Variants in LYST observed in about 807,000 individuals in gnomAD.
LYST encodes lysosomal-trafficking regulator.
A neutral mutation model predicts 413.6 loss-of-function variants in LYST; 192 were observed. The ratio of observed to expected loss-of-function variants is 0.46; its 90% CI spans 0.41 to 0.52. The LOEUF is 0.52. LYST is among the 20% of genes least tolerant of loss of function. The pLI, the probability that LYST is intolerant of heterozygous loss-of-function variation, is 0.00. For missense variants in LYST, 3,815 were observed against 4,499.9 expected (o/e 0.85, Z 4.35); for synonymous variants, 1,525 against 1,567.3 (o/e 0.97, Z 0.64).
chr1:235,757,440 C>G lies in LYST; in HGVS notation c.6900G>C (p.Leu2300Phe). The G allele has an allele frequency of 6.2e-7, 1 of 1,613,216 alleles. No individual in the cohort carries two copies. Among genetic ancestry groups the G allele is most frequent in the East Asian group, 2.2e-5 (1 of 44,786 alleles). ...ASAHSVTEDC[L>F]VPICCGLYEL... Reference sequence around the variant, plus strand: ...CATATAATCCACAGCATATAGGTACCAAACAGTCTTCAGTTACACTAAAAC... The same window carrying G: ...CATATAATCCACAGCATATAGGTACGAAACAGTCTTCAGTTACACTAAAAC... The change falls in exon 24 of 53, where the codon TTG becomes TTC. Residue 2300 changes from leucine to phenylalanine, a missense_variant. Physicochemically the swap from Leu to Phe is conservative, Grantham distance 22. Coordinates refer to ENST00000389793, the MANE Select transcript of LYST (RefSeq NM_000081.4).
intron 25 of LYST, among the ~76,000 whole-genome samples, chr1:235,754,833 G>A (rs1666852617): frequency 1.3e-5 from 2 of 151,936 alleles, no homozygotes; most frequent in Non-Finnish European, 2.9e-5. Flanking sequence ...CAACACTTTG[G>A]GAGGCCAAGG....
rs539285405 is a variant in LYST at position 235,783,103 on chromosome 1, T to C, written c.4863-1016A>G. Among the ~76,000 whole-genome samples the C allele has an allele frequency of 2.0e-5, 3 of 152,302 alleles. No individual in the cohort carries two copies. In the South Asian group the frequency reaches 6.2e-4, roughly 32 times the overall value. ...GAATGTTTTAAACTCCATTTTAAGA[T>C]AATGAGAGTAATCTATGAAGGCAAA... On this transcript the variant is annotated intron_variant, in intron 14 of 52. Coordinates refer to ENST00000389793, the MANE Select transcript of LYST (RefSeq NM_000081.4).
At chr1:235,872,295 CA>C (rs3077214) in intron 1 of LYST, among the ~76,000 whole-genome samples, 80 of 107,660 alleles carry the variant, frequency 7.4e-4, no homozygotes, top group South Asian at 1.2e-3. Flanking sequence ...CATTCTGTCT[CA>C]AAAAAAAAAA....
At chr1:235,832,930 C>A (rs1283970827) in intron 2 of LYST, among the ~76,000 whole-genome samples, 1 of 152,094 alleles carries the variant, frequency 6.6e-6, no homozygotes, top group Non-Finnish European at 1.5e-5. Flanking sequence ...ATAGTAGGCA[C>A]ATAGGAAGTG....
intron 13 of LYST, among the ~76,000 whole-genome samples, chr1:235,787,825 A>G (rs180970691): frequency 6.6e-6 from 1 of 152,302 alleles, no homozygotes. Context: ...TAACGTTTAC[A>G]AAGTATATAT....
chr1:235,687,048 C>T lies in LYST; in HGVS notation c.10702-1G>A. On this transcript the variant is annotated splice_acceptor_variant, in intron 47 of 52. Transcript: ENST00000389793. LOFTEE classifies it high-confidence loss of function. ...CAGGCACCCAAGCACAACTAGTCAC[C>T]TTTGAAAAAGGACCAATCAAAGATT... 1 of 1,604,222 alleles carries T rather than the reference C, an allele frequency of 6.2e-7. No individual in the cohort carries two copies. The highest frequency in any genetic ancestry group is 8.5e-7 in the Non-Finnish European group (1 of 1,171,204).
intron 3 of LYST, among the ~76,000 whole-genome samples, chr1:235,814,821 T>C (rs571078227): frequency 6.6e-6 from 1 of 152,270 alleles, no homozygotes; most frequent in South Asian, 2.1e-4. Flanking sequence ...TTTTTAGGTA[T>C]AGAAAACCCT....
intron 1 of LYST, among the ~76,000 whole-genome samples, chr1:235,874,364 A>G (rs1681053028): frequency 6.6e-6 from 1 of 152,202 alleles, no homozygotes; most frequent in South Asian, 2.1e-4. Flanking sequence ...GACTCCAGAC[A>G]AGTAAACAAG....
rs1187992258 is a variant in LYST, at chr1:235,729,618, C to A, written c.9084G>T (p.Glu3028Asp). The change falls in exon 37 of 53, where the codon GAG (glutamate) becomes GAT (aspartate). Residue 3028 changes from glutamate to aspartate, a missense_variant. Glu to Asp is a conservative substitution (Grantham distance 45, BLOSUM62 2). Coordinates refer to ENST00000389793, the MANE Select transcript of LYST (RefSeq NM_000081.4). ...RRCISVAPSR[E>D]TAGELLLGKC... ...TACCTAGTAACAATTCACCAGCTGT[C>A]TCTCTAGATGGTGCAACACTGATGC... 1.9e-6 allele frequency: 3 copies of A among 1,611,076 alleles called. No homozygotes were observed.
In LYST at chr1:235,734,675, T is replaced by C. The variant is rs767579224; in HGVS notation, c.8359-16A>G. On this transcript the variant is annotated splice_polypyrimidine_tract_variant and intron_variant, in intron 31 of 52. Transcript: ENST00000389793. The stretch of plus-strand genomic sequence containing the variant: ...TGGCTCCATGCTTTAAAAAAAGTAA[T>C]AATTTTTTAGTCATTTAGAATTTTA... The C allele has an allele frequency of 1.3e-6, 2 of 1,564,036 alleles. No individual in the cohort carries two copies. The highest frequency in any genetic ancestry group is 2.7e-5 in the African/African-American group (2 of 73,690).
intron 5 of LYST, 25 bp downstream of exon 5, chr1:235,808,430 C>CGCCGCCACCCACACACATACAAACCTG (rs752812168): frequency 6.2e-7 from 1 of 1,608,302 alleles, no homozygotes; most frequent in Non-Finnish European, 8.5e-7. Flanking sequence ...CCCCCGCCCC[C>CGCCGCCACCCACACACATACAAACCTG]GCCGCCACCC....
intron 1 of LYST, among the ~76,000 whole-genome samples, chr1:235,861,100 A>G (rs931395419): frequency 6.6e-6 from 1 of 152,178 alleles, no homozygotes; most frequent in African/African-American, 2.4e-5. Context: ...GAGTGGCAGT[A>G]GTTTTATAAA....
At chr1:235,720,173 C>CAAA (rs71576484) in intron 40 of LYST, among the ~76,000 whole-genome samples, 197 of 9,462 alleles carry the variant, frequency 0.021, 52 homozygotes, top group African/African-American at 0.041. Context: ...GACTCTGTCT[C>CAAA]AAAAAAAAAA....
At position 235,716,770 on chromosome 1, in the gene LYST, G is replaced by A. The variant is rs1212425935; in HGVS notation, c.9569C>T (p.Ser3190Phe). 10 of 1,577,366 alleles carry A rather than the reference G, an allele frequency of 6.3e-6. No individual in the cohort carries two copies. In the South Asian group the frequency reaches 1.1e-4, roughly 18 times the overall value. ...LNDLLIYRNL[S>F]KPIAVQYKEK... ...TTTATACTGAACAGCTATAGGTTTA[G>A]AGAGATTTCTGCAAGAAAAGGACAA... The change falls in exon 41 of 53, where the codon TCT becomes TTT. Residue 3190 changes from serine to phenylalanine, a missense_variant. Transcript: ENST00000389793.
intron 43 of LYST, among the ~76,000 whole-genome samples, chr1:235,710,886 T>C (rs982208243): frequency 6.6e-6 from 1 of 152,068 alleles, no homozygotes; most frequent in Non-Finnish European, 1.5e-5. Context: ...AGCCCAAAAC[T>C]AGCCCACACA....
intron 23 of LYST, 25 bp from the exon 24 acceptor site, chr1:235,757,483 T>C: frequency 6.3e-7 from 1 of 1,586,202 alleles, no homozygotes; most frequent in Non-Finnish European, 8.7e-7. Context: ...AAAAAAGTCT[T>C]ACTAACATGA....
At chr1:235,743,377 C>T (rs1158733007) in intron 30 of LYST, among the ~76,000 whole-genome samples, 7 of 152,168 alleles carry the variant, frequency 4.6e-5, no homozygotes, top group African/African-American at 1.7e-4. Context: ...AGCTAAAACA[C>T]CAAAATCTAG....
intron 48 of LYST, among the ~76,000 whole-genome samples, chr1:235,678,799 C>T (rs1364841468): frequency 6.6e-6 from 1 of 152,000 alleles, no homozygotes; most frequent in Admixed American, 6.6e-5. Context: ...TTTTATACTT[C>T]CATTATGTTA....
At position 235,763,749 on chromosome 1, in the gene LYST, T is replaced by C. The variant is rs1379123664; in HGVS notation, c.6122-898A>G. Among the ~76,000 whole-genome samples the C allele has an allele frequency of 2.0e-5, 3 of 152,054 alleles. No homozygotes were observed. In the East Asian group the frequency reaches 5.8e-4, roughly 29 times the overall value. ...GCTGGGATTACAGCATGAACCACCA[T>C]GCCTAGCATGACTTCATTTTTTGTT... On this transcript the variant is annotated intron_variant, in intron 21 of 52. Coordinates refer to ENST00000389793, the MANE Select transcript of LYST (RefSeq NM_000081.4).
Sources: gnomAD v4.1 joint callset for allele counts (sites outside exome capture counted in the v4.1 genomes callset) on GRCh38, gnomAD v4.1.1 for gene constraint, MANE v1.5 for transcripts, NCBI Gene and HGNC (gene_info 2026-07-23, HGNC 2026-07-21) for gene names.